The following ZNF568 variants were observed in gnomAD, a reference collection of about 807,000 sequenced individuals.
ZNF568 encodes zinc finger protein 568.
ZNF568 carries 11 observed loss-of-function variants against 18.1 expected under a neutral mutation model. The observed-to-expected ratio is 0.61, with a 90% CI of 0.38 to 1.00. The LOEUF is 1.00. Among genes scored for constraint, ZNF568 ranks in the 50% least tolerant of loss-of-function variants. ZNF568 has a pLI of 0.01. For missense variants in ZNF568, 639 were observed against 768.2 expected, an observed-to-expected ratio of 0.83 and a Z score of 1.99; for synonymous variants, 213 against 246.6, an observed-to-expected ratio of 0.86 and a Z score of 1.28.
downstream of ZNF568, among the ~76,000 whole-genome samples, chr19:36,953,438 C>T (rs1008894484): frequency 2.0e-5 from 3 of 152,102 alleles, no homozygotes; most frequent in East Asian, 1.9e-4. Flanking sequence ...ACAGCCCATC[C>T]GGTTTTGGTT....
chr19:36,946,038 T>G (rs566597737), intron 6 of ZNF568, among the ~76,000 whole-genome samples: 3 of 152,086 alleles, frequency 2.0e-5, no homozygotes, highest in African/African-American at 7.2e-5. Flanking sequence ...GAGGTTGCAG[T>G]GAGCCGAGAT....
chr19:36,946,737 C>T (rs1268767444), intron 6 of ZNF568, among the ~76,000 whole-genome samples: 1 of 148,792 alleles, frequency 6.7e-6, no homozygotes, highest in African/African-American at 2.5e-5. Context: ...ACCACAACCT[C>T]CGCCTCCCAG....
At chr19:36,992,524 T>C (rs1159872439) in intron 4 of ZNF568, among the ~76,000 whole-genome samples, 1 of 151,936 alleles carries the variant, frequency 6.6e-6, no homozygotes. Context: ...AAGTAAAGCA[T>C]GTTTCAGCTC....
rs182436362 is a variant in ZNF568, at chr19:36,971,926, G to A, written c.359-2494G>A. 3.9e-3 allele frequency among the ~76,000 whole-genome samples: 570 copies of A among 147,532 alleles called. 1 individual carries two copies. Among genetic ancestry groups the A allele is most frequent in the Admixed American group, 8.9e-3 (131 of 14,656 alleles). On this transcript the variant is annotated intron_variant, in intron 6 of 7. Transcript: ENST00000427117. ...ACAGTCTCGGCTCACTGCAACCTCC[G>A]CCTCCCAGATTCAAGGTATTCTCTT...
chr19:36,968,116 GTA>G, intron 6 of ZNF568, among the ~76,000 whole-genome samples: 1 of 152,214 alleles, frequency 6.6e-6, no homozygotes, highest in African/African-American at 2.4e-5. Context: ...AGAATAATAT[GTA>G]TATATGTGTG....
At chr19:36,930,476 T>C (rs2073668800) in intron 4 of ZNF568, among the ~76,000 whole-genome samples, 1 of 152,152 alleles carries the variant, frequency 6.6e-6, no homozygotes, top group South Asian at 2.1e-4. Flanking sequence ...CCCAAAGTGC[T>C]GGGATTACAA....
intron 3 of ZNF568, among the ~76,000 whole-genome samples, chr19:36,924,421 A>G (rs954340520): frequency 4.0e-5 from 6 of 151,304 alleles, no homozygotes; most frequent in African/African-American, 1.5e-4. Flanking sequence ...GTTTCGCCAT[A>G]TTGGCCAAGC....
chr19:36,972,525 C>T (rs1034458272), intron 6 of ZNF568, among the ~76,000 whole-genome samples: 5 of 124,844 alleles, frequency 4.0e-5, no homozygotes, highest in African/African-American at 1.6e-4. Context: ...TCCAGGCCAG[C>T]CTGTGGCCCG....
At chr19:36,929,674 G>A (rs1182898577) in intron 4 of ZNF568, among the ~76,000 whole-genome samples, 2 of 127,648 alleles carry the variant, frequency 1.6e-5, no homozygotes, top group East Asian at 4.3e-4. Flanking sequence ...GACAGAGCAA[G>A]ACTCCGTCTC....
intron 7 of ZNF568, among the ~76,000 whole-genome samples, chr19:36,975,337 T>C (rs4806387): frequency 0.55 from 82,248 of 149,358 alleles, 23,119 homozygotes; most frequent in African/African-American, 0.66. Flanking sequence ...TTAGTAGAGA[T>C]GGGGTTTCAC....
chr19:36,921,470 AAAG>A (rs1214625835), intron 2 of ZNF568, among the ~76,000 whole-genome samples: 2 of 152,018 alleles, frequency 1.3e-5, no homozygotes, highest in Non-Finnish European at 2.9e-5. Context: ...CAAAAAAAAA[AAAG>A]AAAGAAAGTG....
At chr19:36,995,365 C>G (rs530181412) in intron 4 of ZNF568, among the ~76,000 whole-genome samples, 1 of 152,280 alleles carries the variant, frequency 6.6e-6, no homozygotes, top group East Asian at 1.9e-4. Context: ...CGTCATTGCA[C>G]TCCAGCCTGG....
chr19:36,927,882 ATATATTATATATATATATATATTTT>A (rs2073593169), intron 4 of ZNF568, among the ~76,000 whole-genome samples: 2 of 52,978 alleles, frequency 3.8e-5, no homozygotes, highest in African/African-American at 1.1e-4. Flanking sequence ...ATATATATAT[ATATATTATATATATATATATATTTT>A]TTTTTTTTTT....
chr19:36,973,830 A>G (rs1568403250), intron 6 of ZNF568: 1 of 153,026 alleles, frequency 6.5e-6, no homozygotes, highest in Non-Finnish European at 1.5e-5. Flanking sequence ...CTCGCTGTAC[A>G]TTCTGGGGAT....
chr19:36,985,598 C>G (rs1600855512), intron 2 of ZNF568, among the ~76,000 whole-genome samples: 1 of 152,198 alleles, frequency 6.6e-6, no homozygotes, highest in East Asian at 1.9e-4. Flanking sequence ...TCTTGGCTCA[C>G]TGCAGCCTCC....
intron 4 of ZNF568, among the ~76,000 whole-genome samples, chr19:36,934,735 G>A (rs2146287895): frequency 6.6e-6 from 1 of 152,086 alleles, no homozygotes; most frequent in African/African-American, 2.4e-5. Flanking sequence ...CATAAGTTTT[G>A]GTATGTTGCA....
Position 36,925,189 on chromosome 19 carries a change from T to C in ZNF568, c.77-11T>C. 1 of 1,613,994 alleles carries C rather than the reference T, an allele frequency of 6.2e-7. No homozygotes were observed. The highest frequency in any genetic ancestry group is 1.1e-5 in the South Asian group (1 of 91,068). ...CTTTGAAGCAAATCTGTTTCATTTC[T>C]CTTCCCTCAGCTTGGTGTTCTCAAG... On this transcript the variant is annotated splice_polypyrimidine_tract_variant and intron_variant, in intron 3 of 6. Coordinates refer to ENST00000333987, the MANE Select transcript of ZNF568 (RefSeq NM_198539.4).
intron 6 of ZNF568, among the ~76,000 whole-genome samples, chr19:36,970,543 C>G (rs963736729): frequency 1.3e-5 from 2 of 151,724 alleles, no homozygotes; most frequent in Middle Eastern, 3.4e-3. Flanking sequence ...GCCATGTTGC[C>G]GAGGCTGGTC....
intron 2 of ZNF568, among the ~76,000 whole-genome samples, chr19:36,919,867 G>A (rs908880672): frequency 6.6e-6 from 1 of 152,100 alleles, no homozygotes; most frequent in African/African-American, 2.4e-5. Context: ...TCATATAAAA[G>A]TATAACATAA....
Sources: gnomAD v4.1 joint callset for allele counts (sites outside exome capture counted in the v4.1 genomes callset) on GRCh38, gnomAD v4.1.1 for gene constraint, MANE v1.5 for transcripts, NCBI Gene and HGNC (gene_info 2026-07-23, HGNC 2026-07-21) for gene names.